GATB: variants seen among roughly 807,000 people sequenced by gnomAD.
GATB encodes the protein glutamyl-tRNA(Gln) amidotransferase subunit B, mitochondrial.
GATB carries 39 observed loss-of-function variants against 62.3 expected under a neutral mutation model. That is an observed-to-expected ratio of 0.63 (90% CI 0.48 to 0.82). The LOEUF (loss-of-function observed/expected upper bound fraction) is 0.82. Ranked by LOEUF, GATB falls within the 40% of genes least tolerant of loss-of-function variation. The probability of loss-of-function intolerance (pLI) is 0.00; values close to 1 mark genes in which losing one functional copy is unlikely to be tolerated. For missense variants in GATB, 670 were observed against 684.0 expected (o/e 0.98, Z 0.23); for synonymous variants, 276 against 258.9 (o/e 1.07, Z -0.63).
intron 6 of GATB, 23 bp from the exon 7 acceptor site, chr4:151,705,292 GCAT>G (rs775207471): frequency 2.7e-6 from 4 of 1,481,840 alleles, no homozygotes; most frequent in East Asian, 2.3e-5. Flanking sequence ...CACTAATTTA[GCAT>G]CATATTTTGA....
chr4:151,714,651 A>G (rs3792691), intron 5 of GATB, among the ~76,000 whole-genome samples: 88,939 of 152,134 alleles, frequency 0.58, 28,345 homozygotes, highest in African/African-American at 0.86. Flanking sequence ...TTAACAGGTG[A>G]CCTATTTATG....
In GATB at chr4:151,719,396, C is replaced by T. The variant is rs959390798; in HGVS notation, c.441+29G>A. The T allele has an allele frequency of 1.1e-5, 17 of 1,507,936 alleles. 1 individual carries two copies. Among genetic ancestry groups the T allele is most frequent in the Non-Finnish European group, 1.4e-5 (15 of 1,085,890 alleles). The allele number at this position is 1,507,936 out of a possible 1,614,324, so 93.4% of individuals were successfully genotyped here. On this transcript the variant is annotated intron_variant, in intron 3 of 12. Coordinates refer to ENST00000263985, the MANE Select transcript of GATB (RefSeq NM_004564.3). ...GGGCTGGCCCAGCTCTGAGAACTTG[C>T]AGTGGGGTGGATCACAAAGTGTACT...
In GATB at chr4:151,716,976, G is replaced by A; in HGVS notation, c.540C>T (p.Pro180=). 6.2e-7 allele frequency: 1 copy of A among 1,614,068 alleles called. No homozygotes were observed. The highest frequency in any genetic ancestry group is 8.5e-7 in the Non-Finnish European group (1 of 1,180,004). The change falls in exon 4 of 13, where the codon CCC becomes CCT. Residue 180 remains proline, a synonymous_variant. Transcript: ENST00000263985. ...GGATCTGCTTGATCCTCACCGTCTT[G>A]GGGATCACCTGACTCTGCTTCTTCC... ...CAGKKQSQVI[P]KTVRIKQIQL...
intron 2 of GATB, among the ~76,000 whole-genome samples, chr4:151,749,411 C>T (rs996004940): frequency 6.7e-6 from 1 of 149,052 alleles, no homozygotes; most frequent in Non-Finnish European, 1.5e-5. Flanking sequence ...ATCGCAAGGA[C>T]AGAAAACCAA....
chr4:151,688,560 C>T, intron 10 of GATB, 70 bp downstream of exon 10: 1 of 1,490,970 alleles, frequency 6.7e-7, no homozygotes, highest in African/African-American at 1.4e-5. Context: ...AAAAATGGAC[C>T]TGCCCTATTT....
chr4:151,713,425 C>T (rs1738857844), intron 5 of GATB, among the ~76,000 whole-genome samples: 1 of 152,126 alleles, frequency 6.6e-6, no homozygotes, highest in Non-Finnish European at 1.5e-5. Flanking sequence ...CTGAGCTATT[C>T]CCAAGGCCTT....
At chr4:151,672,061 C>G (rs1737879805) in intron 12 of GATB, among the ~76,000 whole-genome samples, 2 of 152,160 alleles carry the variant, frequency 1.3e-5, no homozygotes, top group Non-Finnish European at 2.9e-5. Flanking sequence ...ATCGAGAGCT[C>G]TTTACAGAGC....
At chr4:151,705,719 C>G (rs912729781) in intron 6 of GATB, among the ~76,000 whole-genome samples, 4 of 152,204 alleles carry the variant, frequency 2.6e-5, no homozygotes, top group Admixed American at 2.6e-4. Flanking sequence ...TTTACATTAT[C>G]TTTTCAGAGG....
chr4:151,714,257 C>G (rs1444392139), intron 5 of GATB, among the ~76,000 whole-genome samples: 2 of 152,218 alleles, frequency 1.3e-5, no homozygotes, highest in African/African-American at 4.8e-5. Flanking sequence ...CCACAGCACC[C>G]TGGGTGTCCA....
chr4:151,685,851 C>G (rs1296483086), intron 10 of GATB, among the ~76,000 whole-genome samples: 1 of 151,962 alleles, frequency 6.6e-6, no homozygotes, highest in East Asian at 1.9e-4. Context: ...AGTTCGAGAC[C>G]AGCCTGCCCA....
At chr4:151,731,228 C>T (rs1739239328) in intron 2 of GATB, among the ~76,000 whole-genome samples, 1 of 152,156 alleles carries the variant, frequency 6.6e-6, no homozygotes, top group African/African-American at 2.4e-5. Flanking sequence ...GATTCTCCTG[C>T]CTCAGCCTGC....
At chr4:151,696,511 G>A (rs903775651) in intron 9 of GATB, among the ~76,000 whole-genome samples, 2 of 152,210 alleles carry the variant, frequency 1.3e-5, no homozygotes, top group African/African-American at 4.8e-5. Context: ...CAGAGCTTAG[G>A]AATGAAGAGC....
intron 11 of GATB, among the ~76,000 whole-genome samples, chr4:151,678,053 AT>A (rs942514828): frequency 3.3e-5 from 5 of 152,246 alleles, no homozygotes; most frequent in Non-Finnish European, 4.4e-5. Context: ...TGATCAACAT[AT>A]ATTACTTTCC....
intron 9 of GATB, among the ~76,000 whole-genome samples, chr4:151,698,348 T>C (rs1738530867): frequency 6.6e-6 from 1 of 152,176 alleles, no homozygotes; most frequent in Non-Finnish European, 1.5e-5. Flanking sequence ...AGACTAGAGT[T>C]AAATTCTGAA....
In GATB at chr4:151,671,239, C is replaced by G. The variant is rs764101587; in HGVS notation, c.1609G>C (p.Ala537Pro). The stretch of plus-strand genomic sequence containing the variant: ...ACTGGATCTGCTCGGCTTTGAGTCG[C>G]TTTCCGGACCAACCCAATCAGTTTA... ...INKLIGLVRKATQSRADPVMI... is the reference protein window; with the variant it reads ...INKLIGLVRKPTQSRADPVMI... Residue 537 changes from alanine (A) to proline (P), a missense_variant, in exon 13 of 13, where the codon GCG becomes CCG. Physicochemically the swap from Ala to Pro is conservative, Grantham distance 27. Coordinates refer to ENST00000263985, the MANE Select transcript of GATB (RefSeq NM_004564.3). 6.2e-7 allele frequency: 1 copy of G among 1,614,108 alleles called. No homozygotes were observed.
chr4:151,692,102 T>C (rs6843267), intron 9 of GATB, among the ~76,000 whole-genome samples: 22,341 of 152,188 alleles, frequency 0.15, 1,946 homozygotes, highest in African/African-American at 0.25. Flanking sequence ...CGCCAGGCAC[T>C]GTCTACGCAC....
Position 151,716,072 on chromosome 4 carries a change from T to C in GATB, c.700A>G (p.Thr234Ala). The C allele has an allele frequency of 6.2e-7, 1 of 1,613,946 alleles. No individual in the cohort carries two copies. The highest frequency in any genetic ancestry group is 8.5e-7 in the Non-Finnish European group (1 of 1,179,950). ...ATCAGCTGCAGCTCCCTGACAGCTG[T>C]TGCCGCCTCTTCTCCACAGGACATG... is the stretch of plus-strand genomic sequence containing the variant. Reference protein sequence around the residue: ...PDMSCGEEAATAVRELQLILQ... With the variant: ...PDMSCGEEAAAAVRELQLILQ... The change falls in exon 5 of 13, where the codon ACA (threonine) becomes GCA (alanine). Residue 234 changes from threonine (T) to alanine (A), a missense_variant. By Grantham distance (58) the Thr-to-Ala change is moderately conservative. Coordinates refer to ENST00000263985, the MANE Select transcript of GATB (RefSeq NM_004564.3).
chr4:151,697,293 T>C (rs1738488468), intron 9 of GATB, among the ~76,000 whole-genome samples: 1 of 152,228 alleles, frequency 6.6e-6, no homozygotes. Context: ...TGAAATATTA[T>C]TCAGCTATAA....
At chr4:151,729,484 A>C (rs1029887403) in intron 2 of GATB, among the ~76,000 whole-genome samples, 5 of 152,218 alleles carry the variant, frequency 3.3e-5, no homozygotes, top group African/African-American at 7.2e-5. Flanking sequence ...GTATTCCATC[A>C]ACAGTAGCTT....
Sources: gnomAD v4.1 joint callset for allele counts (sites outside exome capture counted in the v4.1 genomes callset) on GRCh38, gnomAD v4.1.1 for gene constraint, MANE v1.5 for transcripts, NCBI Gene and HGNC (gene_info 2026-07-23, HGNC 2026-07-21) for gene names.